The following SYT2 variants were observed in gnomAD, a reference collection of about 807,000 sequenced individuals.
The protein encoded by SYT2 is synaptotagmin 2, also known as synaptotagmin-2.
Under a neutral mutation model 39.9 loss-of-function variants are expected in SYT2, and 15 were observed. The ratio of observed to expected loss-of-function variants is 0.38; its 90% CI spans 0.25 to 0.58. The LOEUF (loss-of-function observed/expected upper bound fraction) is 0.58. Ranked by LOEUF, SYT2 falls within the 20% of genes least tolerant of loss-of-function variation. SYT2 has a pLI of 0.70. For synonymous variants in SYT2, 181 were observed against 204.5 expected (o/e 0.89, Z 0.98); for missense variants, 389 against 530.3 (o/e 0.73, Z 2.62).
chr1:202,604,910 T>A (rs1690651795), intron 2 of SYT2: 1 of 359,806 alleles, frequency 2.8e-6, no homozygotes, highest in African/African-American at 2.2e-5. Flanking sequence ...CATGGAAGAA[T>A]ATCAGTTTAG....
intron 1 of SYT2, among the ~76,000 whole-genome samples, chr1:202,617,050 T>TGG (rs1167478519): frequency 6.6e-6 from 1 of 152,256 alleles, no homozygotes; most frequent in Non-Finnish European, 1.5e-5. Context: ...AGCCCTAGCG[T>TGG]GGCCTACAGC....
chr1:202,607,763 T>C (rs957423676), intron 1 of SYT2, among the ~76,000 whole-genome samples: 4 of 152,204 alleles, frequency 2.6e-5, no homozygotes, highest in African/African-American at 9.7e-5. Context: ...GACAAAGAGA[T>C]GGGTCCGGTT....
chr1:202,647,520 A>T (rs1692111260), intron 1 of SYT2, among the ~76,000 whole-genome samples: 1 of 151,880 alleles, frequency 6.6e-6, no homozygotes, highest in African/African-American at 2.4e-5. Flanking sequence ...AGCTGAGGCT[A>T]CCTGCCTGGG....
At chr1:202,605,458 G>A (rs1202899343) in intron 2 of SYT2, 137 bp downstream of exon 2, 21 of 735,364 alleles carry the variant, frequency 2.9e-5, no homozygotes, top group Non-Finnish European at 4.6e-5. Flanking sequence ...TCCTGCAGGG[G>A]CTCTCCAAAA....
chr1:202,699,077 C>T (rs1654048718), intron 1 of SYT2, among the ~76,000 whole-genome samples: 1 of 140,676 alleles, frequency 7.1e-6, no homozygotes, highest in African/African-American at 2.6e-5. Context: ...GAATGCAGTG[C>T]AGTGGTATGA....
At chr1:202,638,501 A>G (rs1275310004) in intron 1 of SYT2, among the ~76,000 whole-genome samples, 2 of 152,216 alleles carry the variant, frequency 1.3e-5, no homozygotes, top group African/African-American at 4.8e-5. Flanking sequence ...CTTTCTGCAA[A>G]AGCTTCAAAA....
chr1:202,706,248 C>A (rs148619760), intron 1 of SYT2, among the ~76,000 whole-genome samples: 10 of 152,138 alleles, frequency 6.6e-5, no homozygotes, highest in African/African-American at 2.4e-4. Context: ...AAACCGTCTT[C>A]GAGTGAGGGG....
In SYT2 at chr1:202,592,428, A is replaced by G. The variant is rs1453493491; in HGVS notation, c.*4329T>C. ...TGGGGCTGGGGAACAAAGACTTTAC[A>G]CGACATAAAATCAAAGGAGCAGCCT... On this transcript the variant is annotated 3_prime_UTR_variant, in exon 9 of 9. Coordinates refer to ENST00000367268, the MANE Select transcript of SYT2 (RefSeq NM_177402.5). The G allele has an allele frequency of 6.6e-6, 1 of 152,466 alleles. No individual in the cohort carries two copies. 9.4% of individuals were successfully genotyped at this position (152,466 alleles called of 1,614,324 possible). A position where few individuals can be genotyped will look rare whatever the true frequency, so the allele number is the denominator to read the frequency against.
intron 1 of SYT2, among the ~76,000 whole-genome samples, chr1:202,686,372 C>A (rs1253291311): frequency 1.3e-5 from 2 of 152,248 alleles, no homozygotes; most frequent in African/African-American, 4.8e-5. Context: ...TCCTTGCTGT[C>A]ACCTTCTTGC....
At chr1:202,708,443 T>C (rs1654305896) in intron 1 of SYT2, among the ~76,000 whole-genome samples, 1 of 151,780 alleles carries the variant, frequency 6.6e-6, no homozygotes, top group Non-Finnish European at 1.5e-5. Flanking sequence ...GCCCAAAAGA[T>C]CTCCAGAAAA....
intron 1 of SYT2, among the ~76,000 whole-genome samples, chr1:202,674,859 C>A (rs1653317804): frequency 6.6e-6 from 1 of 151,912 alleles, no homozygotes; most frequent in African/African-American, 2.4e-5. Flanking sequence ...CCGGCCCCCT[C>A]CCCCACTGCC....
At chr1:202,604,764 A>T in intron 2 of SYT2, 143 bp from the exon 3 acceptor site, 5 of 557,400 alleles carry the variant, frequency 9.0e-6, no homozygotes, top group Non-Finnish European at 8.9e-6. Flanking sequence ...CACACCCATG[A>T]GTGATTTGTA....
chr1:202,626,558 G>A (rs1691421989), intron 1 of SYT2, among the ~76,000 whole-genome samples: 1 of 151,692 alleles, frequency 6.6e-6, no homozygotes, highest in East Asian at 1.9e-4. Flanking sequence ...GTAGAGAAGG[G>A]GTCTCACTAT....
intron 1 of SYT2, among the ~76,000 whole-genome samples, chr1:202,662,659 A>T (rs761921432): frequency 2.0e-5 from 3 of 152,198 alleles, no homozygotes; most frequent in Non-Finnish European, 4.4e-5. Flanking sequence ...TGCCAGGCTC[A>T]TTAAGAGACG....
intron 1 of SYT2, among the ~76,000 whole-genome samples, chr1:202,670,782 T>C (rs1310046986): frequency 1.3e-5 from 2 of 152,244 alleles, no homozygotes; most frequent in Non-Finnish European, 1.5e-5. Context: ...CCTTGGGTCA[T>C]TGCTCTGTAT....
chr1:202,674,779 C>G (rs936262058), intron 1 of SYT2, among the ~76,000 whole-genome samples: 1 of 152,170 alleles, frequency 6.6e-6, no homozygotes, highest in African/African-American at 2.4e-5. Context: ...CAGCTCTGCT[C>G]TCTCACCTTC....
Position 202,640,786 on chromosome 1 carries a change from GAGAGAGAC to G in SYT2, c.-17-35005_-17-34998del, listed in dbSNP as rs1558443974. ...AGAGAGAGAGAGAGAGAGAGAGAGA[GAGAGAGAC>G]AGACAGACAGAGAGACAGAGAGACA... On this transcript the variant is annotated intron_variant, in intron 1 of 8. Transcript: ENST00000367268. Among the ~76,000 whole-genome samples the G allele has an allele frequency of 1.1e-3, 133 of 118,706 alleles. 1 individual carries two copies. The highest frequency in any genetic ancestry group is 3.2e-3 in the East Asian group (13 of 4,028). The allele number at this position is 118,706 out of a possible 152,430, so 77.9% of individuals were successfully genotyped here. A position where few individuals can be genotyped will look rare whatever the true frequency, so the allele number is the denominator to read the frequency against.
chr1:202,593,406 C>T lies in SYT2; in HGVS notation c.*3351G>A, dbSNP rs1572600221. The T allele has an allele frequency of 1.3e-5, 2 of 152,200 alleles. No homozygotes were observed. The highest frequency in any genetic ancestry group is 3.9e-4 in the East Asian group (2 of 5,192). 9.4% of individuals were successfully genotyped at this position (152,200 alleles called of 1,614,324 possible). On this transcript the variant is annotated 3_prime_UTR_variant, in exon 9 of 9. Coordinates refer to ENST00000367268, the MANE Select transcript of SYT2 (RefSeq NM_177402.5). ...TTACCCACAGGAGGGCTGTAGTGACCTCTCTTCTCCCTCTCGCTGAAGCCT... is the reference window on the plus strand; with the variant it reads ...TTACCCACAGGAGGGCTGTAGTGACTTCTCTTCTCCCTCTCGCTGAAGCCT...
intron 1 of SYT2, among the ~76,000 whole-genome samples, chr1:202,652,967 C>T (rs1270586867): frequency 1.3e-5 from 2 of 151,466 alleles, no homozygotes; most frequent in Admixed American, 6.6e-5. Flanking sequence ...CCCACCCCCC[C>T]TTAGAGTTTG....
Sources: gnomAD v4.1 joint callset for allele counts (sites outside exome capture counted in the v4.1 genomes callset) on GRCh38, gnomAD v4.1.1 for gene constraint, MANE v1.5 for transcripts, NCBI Gene and HGNC (gene_info 2026-07-23, HGNC 2026-07-21) for gene names.